Variants in GPRIN3 observed in about 807,000 individuals in gnomAD.
The protein encoded by GPRIN3 is G protein-regulated inducer of neurite outgrowth 3.
A neutral mutation model predicts 13.7 loss-of-function variants in GPRIN3; 12 were observed. The ratio of observed to expected loss-of-function variants is 0.87; its 90% confidence interval spans 0.56 to 1.42. The LOEUF is 1.42. Ranked by LOEUF, GPRIN3 falls within the 40% of genes most tolerant of loss-of-function variation. The pLI, the probability that GPRIN3 is intolerant of heterozygous loss-of-function variation, is 0.00. For synonymous variants in GPRIN3, 377 were observed against 372.7 expected (o/e 1.01, Z -0.13); for missense variants, 1,009 against 958.7 (o/e 1.05, Z -0.69).
At chr4:89,291,784 C>T (rs978646004) in intron 1 of GPRIN3, among the ~76,000 whole-genome samples, 6 of 149,226 alleles carry the variant, frequency 4.0e-5, no homozygotes, top group Non-Finnish European at 5.9e-5. Context: ...AACATAGTAG[C>T]GTTCCAGTTG....
intron 1 of GPRIN3, among the ~76,000 whole-genome samples, chr4:89,267,590 T>C (rs1723814917): frequency 6.6e-6 from 1 of 152,244 alleles, no homozygotes; most frequent in Admixed American, 6.5e-5. Context: ...TGCTTATCAC[T>C]GGTCCTCATT....
chr4:89,304,321 TA>T lies in GPRIN3; in HGVS notation c.-124+3293del, dbSNP rs558710584. Among the ~76,000 whole-genome samples, 189 of 152,324 alleles carry T rather than the reference TA, an allele frequency of 1.2e-3. 1 individual carries two copies. The highest frequency in any genetic ancestry group is 4.3e-3 in the African/African-American group (178 of 41,562). On this transcript the variant is annotated intron_variant, in intron 1 of 1. Coordinates refer to ENST00000609438, the MANE Select transcript of GPRIN3 (RefSeq NM_198281.3). ...GGGAACATCTCTTCTTTGTATCACT[TA>T]AAGCAGTAGCTTTCAGACTTTTTGG... is the stretch of plus-strand genomic sequence containing the variant.
chr4:89,280,885 T>A (rs1296792515), intron 1 of GPRIN3, among the ~76,000 whole-genome samples: 4 of 152,092 alleles, frequency 2.6e-5, no homozygotes. Flanking sequence ...AAAGGGGCAT[T>A]GTATTAGGCT....
intron 1 of GPRIN3, among the ~76,000 whole-genome samples, chr4:89,255,801 G>A (rs1314601065): frequency 2.0e-5 from 3 of 152,196 alleles, no homozygotes; most frequent in Non-Finnish European, 4.4e-5. Context: ...TGGTTGAGAA[G>A]AGGGCTCAGC....
At chr4:89,283,359 T>G (rs1358638862) in intron 1 of GPRIN3, among the ~76,000 whole-genome samples, 6 of 152,128 alleles carry the variant, frequency 3.9e-5, no homozygotes. Context: ...CAGATTTCAA[T>G]GGTAACACAA....
At chr4:89,279,648 G>T (rs1020519284) in intron 1 of GPRIN3, among the ~76,000 whole-genome samples, 1 of 152,180 alleles carries the variant, frequency 6.6e-6, no homozygotes, top group African/African-American at 2.4e-5. Context: ...AAATGAACAC[G>T]TTTCTCTCCT....
chr4:89,306,625 G>A (rs974612968), intron 1 of GPRIN3, among the ~76,000 whole-genome samples: 1 of 152,134 alleles, frequency 6.6e-6, no homozygotes, highest in Non-Finnish European at 1.5e-5. Context: ...CTTACTCAAA[G>A]GTGGGTGCTT....
rs1723002519 is a variant in GPRIN3 at position 89,243,533 on chromosome 4, G to T, written c.*4247C>A. The T allele has an allele frequency of 6.6e-6, 1 of 152,186 alleles. No individual in the cohort carries two copies. Among genetic ancestry groups the T allele is most frequent in the Non-Finnish European group, 1.5e-5 (1 of 68,042 alleles). The allele number at this position is 152,186 out of a possible 1,614,324, so 9.4% of individuals were successfully genotyped here. On this transcript the variant is annotated 3_prime_UTR_variant, in exon 2 of 2. Coordinates refer to ENST00000609438, the MANE Select transcript of GPRIN3 (RefSeq NM_198281.3). ...ATGTAAAATAACAAACACTAAAGGG[G>T]ATGTTTGACTTCTGATTTCACCATG...
In GPRIN3 at chr4:89,257,353, TA is replaced by T. The variant is rs202213944; in HGVS notation, c.-123-7121del. ...CAAGACTGGATAAAAACCAAGAGGT[TA>T]AAAAAAAAGGGGTTTAAGAAGCACG... On this transcript the variant is annotated intron_variant, in intron 1 of 1. Transcript: ENST00000609438. Among the ~76,000 whole-genome samples, 382 of 151,004 alleles carry T rather than the reference TA, an allele frequency of 2.5e-3. 2 individuals carry two copies. The highest frequency in any genetic ancestry group is 8.5e-3 in the African/African-American group (351 of 41,180).
chr4:89,293,023 C>T (rs891510665), intron 1 of GPRIN3, among the ~76,000 whole-genome samples: 25 of 152,146 alleles, frequency 1.6e-4, no homozygotes, highest in African/African-American at 5.8e-4. Context: ...AATTTCTTTA[C>T]ATTAATATCT....
rs553409549 is a variant in GPRIN3 at position 89,305,442 on chromosome 4, G to A, written c.-124+2173C>T. ...CTTCTATTCCACAATCTAGGACCAT[G>A]TCCAGTCCAGGATTAAATATATGTT... On this transcript the variant is annotated intron_variant, in intron 1 of 1. Coordinates refer to ENST00000609438, the MANE Select transcript of GPRIN3 (RefSeq NM_198281.3). 2.2e-4 allele frequency among the ~76,000 whole-genome samples: 34 copies of A among 152,254 alleles called. No individual in the cohort carries two copies. In the South Asian group the frequency reaches 6.8e-3, roughly 31 times the overall value.
chr4:89,250,068 G>C lies in GPRIN3; in HGVS notation c.43C>G (p.Leu15Val). ...PDPLRSAKTSLIAASGKEDDL... is the reference protein window; with the variant it reads ...PDPLRSAKTSVIAASGKEDDL... Reference sequence around the variant, plus strand: ...TCTTCTTTTCCGGAAGCTGCAATCAGGGAAGTTTTAGCTGATCTCAGAGGG... The same window carrying C: ...TCTTCTTTTCCGGAAGCTGCAATCACGGAAGTTTTAGCTGATCTCAGAGGG... Residue 15 changes from leucine to valine, a missense_variant, in exon 2 of 2, where the codon CTG becomes GTG. By Grantham distance (32) the Leu-to-Val change is conservative (BLOSUM62 1). Transcript: ENST00000609438. The C allele has an allele frequency of 6.2e-7, 1 of 1,613,930 alleles. No homozygotes were observed. The highest frequency in any genetic ancestry group is 1.1e-5 in the South Asian group (1 of 91,078).
chr4:89,248,746 G>A lies in GPRIN3; in HGVS notation c.1365C>T (p.Leu455=), dbSNP rs140402441. The change falls in exon 2 of 2, where the codon CTC becomes CTT. Residue 455 remains leucine, a synonymous_variant. Coordinates refer to ENST00000609438, the MANE Select transcript of GPRIN3 (RefSeq NM_198281.3). ...TCAGGGAGCTAGAATTAGTACCTGC[G>A]AGCTTTTTAGCAGTTGACTCTTCCC... The part of the protein sequence containing the change: ...PVREESTAKK[L]AGTNSSSLKA... 48 of 1,614,022 alleles carry A rather than the reference G, an allele frequency of 3.0e-5. No individual in the cohort carries two copies. The highest frequency in any genetic ancestry group is 1.2e-4 in the Admixed American group (7 of 60,010).
Position 89,298,126 on chromosome 4 carries a change from C to T in GPRIN3, c.-124+9489G>A, listed in dbSNP as rs570513379. On this transcript the variant is annotated intron_variant, in intron 1 of 1. Coordinates refer to ENST00000609438, the MANE Select transcript of GPRIN3 (RefSeq NM_198281.3). ...TGAAGTTACACTGAGGTTCTGGTAT[C>T]CTCATGAGAAAGAAATTTCTCGTAG... Among the ~76,000 whole-genome samples, 118 of 152,212 alleles carry T rather than the reference C, an allele frequency of 7.8e-4. 1 individual carries two copies. The Middle Eastern group carries it at 0.017, about 22-fold the overall frequency.
intron 1 of GPRIN3, among the ~76,000 whole-genome samples, chr4:89,260,574 AG>A (rs1312273262): frequency 1.3e-5 from 2 of 152,252 alleles, no homozygotes. Flanking sequence ...AAATTCAATA[AG>A]AAGCTATAAG....
chr4:89,262,575 A>C (rs1349218027), intron 1 of GPRIN3, among the ~76,000 whole-genome samples: 1 of 152,114 alleles, frequency 6.6e-6, no homozygotes, highest in African/African-American at 2.4e-5. Context: ...CACCCTTTCC[A>C]TCTGCTCTTT....
intron 1 of GPRIN3, among the ~76,000 whole-genome samples, chr4:89,273,657 G>C (rs1724019368): frequency 6.6e-6 from 1 of 152,238 alleles, no homozygotes; most frequent in Non-Finnish European, 1.5e-5. Flanking sequence ...CTGCACTCCA[G>C]CTTGGGTGAC....
intron 1 of GPRIN3, among the ~76,000 whole-genome samples, chr4:89,267,633 G>C (rs1296373624): frequency 6.6e-6 from 1 of 152,154 alleles, no homozygotes; most frequent in African/African-American, 2.4e-5. Flanking sequence ...CTGGGCCCCA[G>C]TCCATCTCTG....
rs769384853 is a variant in GPRIN3, at chr4:89,247,734, T to C, written c.*46A>G. The C allele has an allele frequency of 6.5e-7, 1 of 1,544,890 alleles. No individual in the cohort carries two copies. The highest frequency in any genetic ancestry group is 2.3e-5 in the East Asian group (1 of 44,210). On this transcript the variant is annotated 3_prime_UTR_variant, in exon 2 of 2. Transcript: ENST00000609438. ...GCAAGCTTTGACATAGAGGGACGCA[T>C]GTGAATACCGTAAATTTATACACAA...
Sources: gnomAD v4.1 joint callset for allele counts (sites outside exome capture counted in the v4.1 genomes callset) on GRCh38, gnomAD v4.1.1 for gene constraint, MANE v1.5 for transcripts, NCBI Gene and HGNC (gene_info 2026-07-23, HGNC 2026-07-21) for gene names.